HDAC4: variants seen among roughly 807,000 people sequenced by gnomAD.
HDAC4 encodes histone deacetylase A.
HDAC4 carries 16 observed loss-of-function variants against 135.1 expected under a neutral mutation model. The observed-to-expected ratio is 0.12, with a 90% CI of 0.08 to 0.18. The LOEUF is 0.18. HDAC4 is among the 10% of genes least tolerant of loss of function. The pLI is 1.00. For synonymous variants in HDAC4, 685 were observed against 653.4 expected, an observed-to-expected ratio of 1.05 and a Z score of -0.74; for missense variants, 1,143 against 1,511.8, an observed-to-expected ratio of 0.76 and a Z score of 4.05.
intron 16 of HDAC4, chr2:239,102,475 A>C: frequency 2.5e-6 from 1 of 403,894 alleles, no homozygotes; most frequent in Non-Finnish European, 4.7e-6. Flanking sequence ...CCTGCAGGGC[A>C]GGGCGGGCAG....
chr2:239,185,462 C>T (rs922498524), intron 4 of HDAC4, among the ~76,000 whole-genome samples: 15 of 151,566 alleles, frequency 9.9e-5, no homozygotes, highest in African/African-American at 3.2e-4. Flanking sequence ...CCCGTGCCTC[C>T]TGGGGAGAGA....
chr2:239,100,365 G>T (rs1267157671), intron 16 of HDAC4, among the ~76,000 whole-genome samples: 2 of 152,224 alleles, frequency 1.3e-5, no homozygotes, highest in African/African-American at 2.4e-5. Context: ...AGTCTGAGGA[G>T]GATTTTCTTT....
intron 1 of HDAC4, among the ~76,000 whole-genome samples, chr2:239,389,095 C>T (rs1696023226): frequency 6.6e-6 from 1 of 152,116 alleles, no homozygotes; most frequent in African/African-American, 2.4e-5. Context: ...TGTAAATGCA[C>T]CAATCAGCAC....
At chr2:239,120,314 C>T (rs770513363) in intron 12 of HDAC4, among the ~76,000 whole-genome samples, 88 of 152,020 alleles carry the variant, frequency 5.8e-4, no homozygotes, top group Non-Finnish European at 1.0e-3. Context: ...GGTAGGGTGT[C>T]GGGAAGCAGG....
chr2:239,287,295 C>T (rs2051194804), intron 2 of HDAC4, among the ~76,000 whole-genome samples: 1 of 152,160 alleles, frequency 6.6e-6, no homozygotes, highest in African/African-American at 2.4e-5. Context: ...TCAGACTTGC[C>T]TTGTTTTTAA....
intron 2 of HDAC4, among the ~76,000 whole-genome samples, chr2:239,319,846 A>G (rs2053247195): frequency 1.3e-5 from 2 of 152,242 alleles, no homozygotes; most frequent in East Asian, 3.8e-4. Context: ...GTTCAAAAAC[A>G]TAAAACTAAA....
At chr2:239,252,735 T>G in intron 2 of HDAC4, among the ~76,000 whole-genome samples, 2 of 152,342 alleles carry the variant, frequency 1.3e-5, no homozygotes, top group Non-Finnish European at 2.9e-5. Flanking sequence ...TAAACGATTT[T>G]CCAAGGTTTT....
intron 3 of HDAC4, among the ~76,000 whole-genome samples, chr2:239,200,355 T>C (rs2045683252): frequency 1.3e-5 from 2 of 152,162 alleles, no homozygotes; most frequent in African/African-American, 4.8e-5. Flanking sequence ...ATTGCAACTG[T>C]TGTATTTACC....
chr2:239,057,735 A>AT (rs1475310886), intron 24 of HDAC4, among the ~76,000 whole-genome samples: 1 of 152,206 alleles, frequency 6.6e-6, no homozygotes, highest in Non-Finnish European at 1.5e-5. Context: ...AGTTGACCAC[A>AT]TGAGTGTTTT....
At chr2:239,334,838 C>T (rs1046604910) in intron 2 of HDAC4, among the ~76,000 whole-genome samples, 13 of 151,884 alleles carry the variant, frequency 8.6e-5, no homozygotes, top group African/African-American at 2.7e-4. Context: ...CTGGCTAACA[C>T]GGTGAAACAC....
At chr2:239,219,863 C>T (rs1054245701) in intron 3 of HDAC4, among the ~76,000 whole-genome samples, 1 of 152,130 alleles carries the variant, frequency 6.6e-6, no homozygotes, top group Admixed American at 6.5e-5. Context: ...TGGGTACCTT[C>T]GAGTAAAAAC....
chr2:239,382,583 C>T (rs751688970), intron 1 of HDAC4, among the ~76,000 whole-genome samples: 10 of 152,250 alleles, frequency 6.6e-5, no homozygotes, highest in Admixed American at 1.3e-4. Context: ...AGTGCTCTGC[C>T]CTCTACATGG....
At chr2:239,103,293 G>T (rs2037825330) in intron 15 of HDAC4, among the ~76,000 whole-genome samples, 2 of 152,036 alleles carry the variant, frequency 1.3e-5, no homozygotes, top group Non-Finnish European at 2.9e-5. Flanking sequence ...CGCGCTCCCG[G>T]AGTCTCTGAG....
At chr2:239,194,052 G>C (rs772513654) in intron 3 of HDAC4, among the ~76,000 whole-genome samples, 1 of 152,164 alleles carries the variant, frequency 6.6e-6, no homozygotes, top group Non-Finnish European at 1.5e-5. Flanking sequence ...CCACCACCTG[G>C]GAGTTTTCAG....
intron 5 of HDAC4, among the ~76,000 whole-genome samples, chr2:239,166,990 G>C (rs982264786): frequency 6.6e-6 from 1 of 152,182 alleles, no homozygotes; most frequent in Non-Finnish European, 1.5e-5. Flanking sequence ...TAGTCCAACC[G>C]CAAAATGATG....
At chr2:239,358,181 C>T (rs184471225) in intron 1 of HDAC4, among the ~76,000 whole-genome samples, 1 of 152,148 alleles carries the variant, frequency 6.6e-6, no homozygotes, top group African/African-American at 2.4e-5. Context: ...TTTTGCTGCA[C>T]TTATTACTTA....
At chr2:239,078,467 C>A (rs1559381753) in intron 22 of HDAC4, among the ~76,000 whole-genome samples, 1 of 152,104 alleles carries the variant, frequency 6.6e-6, no homozygotes, top group Non-Finnish European at 1.5e-5. Flanking sequence ...CCCTTCTTCC[C>A]CATCATCGGA....
At chr2:239,232,298 G>C (rs1374070820) in intron 3 of HDAC4, among the ~76,000 whole-genome samples, 1 of 152,252 alleles carries the variant, frequency 6.6e-6, no homozygotes, top group African/African-American at 2.4e-5. Context: ...GGGCATAGTT[G>C]GGTTTATAAT....
intron 7 of HDAC4, 60 bp from the exon 8 acceptor site, chr2:239,144,774 G>A (rs1173371128): frequency 1.3e-6 from 2 of 1,589,512 alleles, no homozygotes; most frequent in East Asian, 2.2e-5. Flanking sequence ...AGGTTATCCT[G>A]TTGGTGGTTT....
Sources: allele counts gnomAD v4.1 joint callset (sites outside exome capture counted in the v4.1 genomes callset), GRCh38; gene constraint gnomAD v4.1.1; transcripts MANE v1.5; gene names NCBI Gene and HGNC (gene_info 2026-07-23, HGNC 2026-07-21).